The following DNAAF1 variants were observed in gnomAD, a reference collection of about 807,000 sequenced individuals.
DNAAF1 encodes the protein dynein assembly factor 1, axonemal.
In DNAAF1, 65 loss-of-function variants were observed where a neutral mutation model predicts 71.1. The observed-to-expected ratio is 0.91, with a 90% CI of 0.75 to 1.12. The LOEUF (loss-of-function observed/expected upper bound fraction) is 1.12, where lower values mean the gene tolerates loss of function less well. Among genes scored for constraint, DNAAF1 ranks in the 50% most tolerant of loss-of-function variants. The pLI, the probability that DNAAF1 is intolerant of heterozygous loss-of-function variation, is 0.00. For missense variants in DNAAF1, 1,178 were observed against 899.8 expected, an observed-to-expected ratio of 1.31 and a Z score of -3.96; for synonymous variants, 414 against 354.6, an observed-to-expected ratio of 1.17 and a Z score of -1.88.
In DNAAF1 at chr16:84,154,896, G is replaced by GT. The variant is rs544397762; in HGVS notation, c.574+107dup. 2,467 of 1,025,346 alleles carry GT rather than the reference G, an allele frequency of 2.4e-3. 2 individuals carry two copies. The highest frequency in any genetic ancestry group is 7.0e-3 in the South Asian group (506 of 72,702). The allele number at this position is 1,025,346 out of a possible 1,614,324, so 63.5% of individuals were successfully genotyped here. ...TTTTATATTATGGGCAAGAAGTGGT[G>GT]TTTTTTTTTGTCTTTTTTTTGTTTT... On this transcript the variant is annotated intron_variant, in intron 4 of 11. Transcript: ENST00000378553.
At chr16:84,165,590 T>A (rs1300354548) in intron 6 of DNAAF1, among the ~76,000 whole-genome samples, 193 bp from the exon 7 acceptor site, 1 of 152,186 alleles carries the variant, frequency 6.6e-6, no homozygotes, top group Non-Finnish European at 1.5e-5. Flanking sequence ...CTTGTGCTTT[T>A]GGTGCCACAT....
chr16:84,170,441 G>A, intron 8 of DNAAF1, 85 bp downstream of exon 8: 1 of 1,594,050 alleles, frequency 6.3e-7, no homozygotes, highest in Non-Finnish European at 8.5e-7. Context: ...GGGACCTGGG[G>A]CCTGAGTTTC....
rs181231376 is a variant in DNAAF1 at position 84,148,697 on chromosome 16, C to T, written c.125-310C>T. 3.7e-3 allele frequency among the ~76,000 whole-genome samples: 555 copies of T among 148,068 alleles called. 7 individuals carry two copies. The highest frequency in any genetic ancestry group is 0.014 in the African/African-American group (549 of 40,096). On this transcript the variant is annotated intron_variant, in intron 1 of 11. Transcript: ENST00000378553. ...CACTGCAGCCTTGACTTCCCAAGCT[C>T]GAGTGATCAACCTGCCTCAGCCCCA...
At chr16:84,169,808 C>A (rs766570401) in intron 7 of DNAAF1, 51 bp from the exon 8 acceptor site, 3 of 1,610,918 alleles carry the variant, frequency 1.9e-6, no homozygotes, top group East Asian at 2.2e-5. Context: ...CACAAACACC[C>A]TTGTCCTCCC....
chr16:84,167,492 AC>A (rs1293389247), intron 7 of DNAAF1, among the ~76,000 whole-genome samples: 3 of 151,880 alleles, frequency 2.0e-5, no homozygotes, highest in African/African-American at 7.3e-5. Flanking sequence ...TCCAGAAGCC[AC>A]CCCACCCCCA....
chr16:84,146,021 C>G (rs1201259634), intron 1 of DNAAF1, among the ~76,000 whole-genome samples: 1 of 152,016 alleles, frequency 6.6e-6, no homozygotes, highest in African/African-American at 2.4e-5. Context: ...CGCTTGAACC[C>G]GGGAGGCGGA....
At chr16:84,173,059 C>G (rs538684706) in intron 9 of DNAAF1, 2 of 989,816 alleles carry the variant, frequency 2.0e-6, no homozygotes, top group East Asian at 2.2e-4. Context: ...TTCTGGGTAC[C>G]TCTGACCTTA....
chr16:84,158,600 C>T (rs1471752704), intron 5 of DNAAF1, among the ~76,000 whole-genome samples: 1 of 152,226 alleles, frequency 6.6e-6, no homozygotes, highest in Admixed American at 6.5e-5. Context: ...TGTTTCGTGA[C>T]TGCTTTTAAA....
chr16:84,150,172 A>C (rs912171998), intron 2 of DNAAF1, 79 bp from the exon 3 acceptor site: 1 of 1,075,448 alleles, frequency 9.3e-7, no homozygotes, highest in Non-Finnish European at 1.4e-6. Flanking sequence ...GCAGGAATGG[A>C]TGTGGTAAAG....
rs1054330182 is a variant in DNAAF1, at chr16:84,173,321, A to G, written c.1644+946A>G. 36 of 667,710 alleles carry G rather than the reference A, an allele frequency of 5.4e-5. No individual in the cohort carries two copies. The African/African-American group carries it at 6.8e-4, about 13-fold the overall frequency. 41.4% of individuals were successfully genotyped at this position (667,710 alleles called of 1,614,324 possible). Reference sequence around the variant, plus strand: ...TACTAAAAATAGAAAAAAATTAGCCAGGTGTGGTGATGGGCACCTGTAGTC... The same window carrying G: ...TACTAAAAATAGAAAAAAATTAGCCGGGTGTGGTGATGGGCACCTGTAGTC... On this transcript the variant is annotated intron_variant, in intron 9 of 11. Transcript: ENST00000378553.
rs111414382 is a variant in DNAAF1, at chr16:84,149,074, G to T, written c.192G>T (p.Gln64His). The T allele has an allele frequency of 5.6e-6, 9 of 1,614,170 alleles. No homozygotes were observed. The highest frequency in any genetic ancestry group is 2.7e-5 in the African/African-American group (2 of 75,048). ...CATCCTACCACAGCCAGCAGAAACA[G>T]AGTGGTGATAATGGGTCAGGTGGTC... Reference protein sequence around the residue: ...SDTSYHSQQKQSGDNGSGGHF... With the variant: ...SDTSYHSQQKHSGDNGSGGHF... The change falls in exon 2 of 12, where the codon CAG becomes CAT. Residue 64 changes from glutamine (Q) to histidine (H), a missense_variant. Transcript: ENST00000378553.
intron 6 of DNAAF1, chr16:84,162,138 T>A (rs2087743818): frequency 6.6e-6 from 1 of 152,232 alleles, no homozygotes; most frequent in Non-Finnish European, 1.5e-5. Flanking sequence ...ATAGTATACT[T>A]TGCAACACCC....
chr16:84,167,125 G>C (rs916589039), intron 7 of DNAAF1, among the ~76,000 whole-genome samples: 1 of 152,084 alleles, frequency 6.6e-6, no homozygotes, highest in Non-Finnish European at 1.5e-5. Context: ...CCCTCTCTTT[G>C]GGTTTGATAA....
At position 84,165,888 on chromosome 16, in the gene DNAAF1, C is replaced by A. The variant is rs776913102; in HGVS notation, c.969C>A (p.Ala323=). ...ERKKITDSIE[A]LAMIKQRAEE... is the part of the protein sequence containing the mutation. Reference sequence around the variant, plus strand: ...AGAAGATCACAGACAGCATTGAAGCCTTGGCCATGATCAAGCAGCGGGCAG... The same window carrying A: ...AGAAGATCACAGACAGCATTGAAGCATTGGCCATGATCAAGCAGCGGGCAG... Residue 323 remains alanine (A), a synonymous_variant, in exon 7 of 12, where the codon GCC becomes GCA. Transcript: ENST00000378553. 2 of 1,613,478 alleles carry A rather than the reference C, an allele frequency of 1.2e-6. No individual in the cohort carries two copies. The highest frequency in any genetic ancestry group is 4.5e-5 in the East Asian group (2 of 44,852).
intron 1 of DNAAF1, among the ~76,000 whole-genome samples, chr16:84,146,658 A>G (rs1312828877): frequency 1.3e-5 from 2 of 152,054 alleles, no homozygotes; most frequent in Non-Finnish European, 2.9e-5. Context: ...CAGAGGTTGC[A>G]GTGAGCCAAG....
chr16:84,149,858 C>A (rs538961763), intron 2 of DNAAF1, among the ~76,000 whole-genome samples: 20 of 150,970 alleles, frequency 1.3e-4, no homozygotes, highest in African/African-American at 4.4e-4. Context: ...AACCCCCCCT[C>A]TACTAAAAAT....
Position 84,145,316 on chromosome 16 carries a change from T to TA in DNAAF1, c.-124dup. 6.7e-7 allele frequency: 1 copy of TA among 1,492,634 alleles called. No individual in the cohort carries two copies. Among genetic ancestry groups the TA allele is most frequent in the Non-Finnish European group, 9.0e-7 (1 of 1,109,294 alleles). 92.5% of individuals were successfully genotyped at this position (1,492,634 alleles called of 1,614,324 possible). A position where few individuals can be genotyped will look rare whatever the true frequency, so the allele number is the denominator to read the frequency against. ...CGGGGAAGCGTTGGGCTGTAAAGAC[T>TA]AGGGCGCCAGCGGCTGGCGAAGAAG... is the stretch of plus-strand genomic sequence containing the variant. On this transcript the variant is annotated 5_prime_UTR_variant, in exon 1 of 12. Transcript: ENST00000378553.
intron 6 of DNAAF1, among the ~76,000 whole-genome samples, chr16:84,164,041 G>A (rs2087848297): frequency 6.6e-6 from 1 of 152,094 alleles, no homozygotes; most frequent in Non-Finnish European, 1.5e-5. Flanking sequence ...CTGGGCTCAA[G>A]CCATCTGCCC....
At position 84,155,617 on chromosome 16, in the gene DNAAF1, C is replaced by G; in HGVS notation, c.609C>G (p.Ala203=). Residue 203 remains alanine, a synonymous_variant, in exon 5 of 12, where the codon GCC becomes GCG. Coordinates refer to ENST00000378553, the MANE Select transcript of DNAAF1 (RefSeq NM_178452.6). ...CLPVLNTLQM[A]HNHLETVEDI... ...CAGTCCTGAACACATTGCAGATGGCCCACAATCACCTGGAGACCGTGGAGG... is the reference window on the plus strand; with the variant it reads ...CAGTCCTGAACACATTGCAGATGGCGCACAATCACCTGGAGACCGTGGAGG... 8 of 1,614,172 alleles carry G rather than the reference C, an allele frequency of 5.0e-6. No individual in the cohort carries two copies. Among genetic ancestry groups the G allele is most frequent in the Non-Finnish European group, 6.8e-6 (8 of 1,180,048 alleles).
Sources: gnomAD v4.1 joint callset for allele counts (sites outside exome capture counted in the v4.1 genomes callset) on GRCh38, gnomAD v4.1.1 for gene constraint, MANE v1.5 for transcripts, NCBI Gene and HGNC (gene_info 2026-07-23, HGNC 2026-07-21) for gene names.